The following CSMD3 variants were observed in gnomAD, a reference collection of about 807,000 sequenced individuals.
CSMD3 encodes CUB and Sushi multiple domains 3.
Under a neutral mutation model 435.2 loss-of-function variants are expected in CSMD3, and 177 were observed. The ratio of observed to expected loss-of-function variants is 0.41; its 90% CI spans 0.36 to 0.46. The LOEUF (loss-of-function observed/expected upper bound fraction) is 0.46, where lower values mean the gene tolerates loss of function less well. Among genes scored for constraint, CSMD3 ranks in the 20% least tolerant of loss-of-function variants. The probability of loss-of-function intolerance (pLI) is 0.34; values close to 1 mark genes in which losing one functional copy is unlikely to be tolerated. For missense variants in CSMD3, 4,265 were observed against 4,504.6 expected, an observed-to-expected ratio of 0.95 and a Z score of 1.52; for synonymous variants, 1,656 against 1,520.5, an observed-to-expected ratio of 1.09 and a Z score of -2.07.
At chr8:112,373,542 C>T (rs1828651416) in intron 38 of CSMD3, among the ~76,000 whole-genome samples, 1 of 50,880 alleles carries the variant, frequency 2.0e-5, no homozygotes, top group Admixed American at 1.4e-4. Flanking sequence ...TCCTTATTTA[C>T]ATGCATTAAA....
intron 1 of CSMD3, among the ~76,000 whole-genome samples, chr8:113,349,117 AC>A (rs1588570649): frequency 6.6e-6 from 1 of 152,020 alleles, no homozygotes; most frequent in African/African-American, 2.4e-5. Flanking sequence ...ACAGCTAAAA[AC>A]TGTTGTCTGT....
chr8:113,285,072 A>C (rs2093636492), intron 2 of CSMD3, among the ~76,000 whole-genome samples: 1 of 152,188 alleles, frequency 6.6e-6, no homozygotes, highest in South Asian at 2.1e-4. Context: ...AGCCAGAATA[A>C]AATTTTAATC....
chr8:113,211,383 G>A (rs1475978297), intron 3 of CSMD3, among the ~76,000 whole-genome samples: 1 of 152,118 alleles, frequency 6.6e-6, no homozygotes, highest in Non-Finnish European at 1.5e-5. Context: ...TAATTTGTTT[G>A]TAAAACAAGG....
At chr8:113,316,839 G>A (rs2093914290) in intron 1 of CSMD3, among the ~76,000 whole-genome samples, 1 of 152,052 alleles carries the variant, frequency 6.6e-6, no homozygotes, top group Non-Finnish European at 1.5e-5. Flanking sequence ...GTGAGCCACT[G>A]GCCAGGCCAA....
At chr8:112,460,110 A>G (rs1563564708) in intron 32 of CSMD3, among the ~76,000 whole-genome samples, 1 of 152,048 alleles carries the variant, frequency 6.6e-6, no homozygotes, top group Non-Finnish European at 1.5e-5. Context: ...CAGTTTCCAC[A>G]TTCTTCCTGA....
Position 112,319,999 on chromosome 8 carries a change from G to T in CSMD3, c.7166-18C>A. 8 of 1,544,614 alleles carry T rather than the reference G, an allele frequency of 5.2e-6. No individual in the cohort carries two copies. The highest frequency in any genetic ancestry group is 7.2e-6 in the Non-Finnish European group (8 of 1,116,954). The stretch of plus-strand genomic sequence containing the variant: ...TTGATAGGCTACAAAAATAAACAAA[G>T]TGTTTATTCCTTTTCTGTGCAGCTA... On this transcript the variant is annotated intron_variant, in intron 45 of 70. Coordinates refer to ENST00000297405, the MANE Select transcript of CSMD3 (RefSeq NM_198123.2).
chr8:112,948,217 T>C (rs991146030), intron 8 of CSMD3, among the ~76,000 whole-genome samples: 5 of 151,988 alleles, frequency 3.3e-5, no homozygotes, highest in Non-Finnish European at 1.5e-5. Flanking sequence ...TTTCCATTAA[T>C]CACTGGCAAC....
chr8:112,428,565 C>T (rs1016366133), intron 32 of CSMD3, among the ~76,000 whole-genome samples: 1 of 152,112 alleles, frequency 6.6e-6, no homozygotes, highest in East Asian at 1.9e-4. Flanking sequence ...TGAGAATATA[C>T]AGCTCCTGCC....
At chr8:112,485,462 G>T (rs1401687593) in intron 31 of CSMD3, among the ~76,000 whole-genome samples, 2 of 151,940 alleles carry the variant, frequency 1.3e-5, no homozygotes. Flanking sequence ...TATTAGATTA[G>T]ATAATCTCTA....
At chr8:113,063,724 T>C (rs1276171926) in intron 5 of CSMD3, among the ~76,000 whole-genome samples, 2 of 151,886 alleles carry the variant, frequency 1.3e-5, no homozygotes, top group Non-Finnish European at 2.9e-5. Context: ...TAACTCTATT[T>C]AGTTTGTCAA....
intron 3 of CSMD3, among the ~76,000 whole-genome samples, chr8:113,192,153 T>G (rs1175729532): frequency 1.3e-5 from 2 of 151,744 alleles, no homozygotes; most frequent in Admixed American, 1.3e-4. Context: ...TTTTTCAGAT[T>G]CATAGTTTGG....
At chr8:113,326,772 T>C (rs1473637246) in intron 1 of CSMD3, among the ~76,000 whole-genome samples, 1 of 152,194 alleles carries the variant, frequency 6.6e-6, no homozygotes, top group Non-Finnish European at 1.5e-5. Flanking sequence ...AAATTAATTC[T>C]ATACAGTTCA....
intron 1 of CSMD3, among the ~76,000 whole-genome samples, chr8:113,319,173 G>A (rs1005364137): frequency 6.6e-6 from 1 of 151,852 alleles, no homozygotes; most frequent in African/African-American, 2.4e-5. Context: ...CTACATTCCC[G>A]CCAATAGTGT....
intron 1 of CSMD3, among the ~76,000 whole-genome samples, chr8:113,353,253 A>G (rs1357692524): frequency 6.6e-6 from 1 of 152,178 alleles, no homozygotes; most frequent in African/African-American, 2.4e-5. Flanking sequence ...AGAATTAAGA[A>G]AAGTCCCTCA....
intron 3 of CSMD3, among the ~76,000 whole-genome samples, chr8:113,184,083 G>C (rs1238078150): frequency 6.6e-6 from 1 of 151,832 alleles, no homozygotes; most frequent in Non-Finnish European, 1.5e-5. Flanking sequence ...TTTTCACTAG[G>C]GAGACTCACA....
chr8:112,625,593 T>A (rs1396679490), intron 22 of CSMD3, among the ~76,000 whole-genome samples: 1 of 152,114 alleles, frequency 6.6e-6, no homozygotes, highest in African/African-American at 2.4e-5. Flanking sequence ...ACCTTTGAAA[T>A]ACACTGTTTG....
intron 27 of CSMD3, among the ~76,000 whole-genome samples, chr8:112,544,040 C>A (rs1826929458): frequency 6.6e-6 from 1 of 152,032 alleles, no homozygotes; most frequent in African/African-American, 2.4e-5. Context: ...GAATCAGAGC[C>A]TGAAATGGTT....
chr8:112,611,463 A>G (rs962845094), intron 22 of CSMD3, among the ~76,000 whole-genome samples: 5 of 152,212 alleles, frequency 3.3e-5, no homozygotes, highest in Admixed American at 6.5e-5. Context: ...AAGTTTCTTT[A>G]GAGACGAGTA....
At chr8:112,488,455 T>G (rs1052608615) in intron 31 of CSMD3, among the ~76,000 whole-genome samples, 1 of 152,188 alleles carries the variant, frequency 6.6e-6, no homozygotes, top group African/African-American at 2.4e-5. Flanking sequence ...TGTTGGTATT[T>G]GCTTCTACAC....
Sources: gnomAD v4.1 joint callset for allele counts (sites outside exome capture counted in the v4.1 genomes callset) on GRCh38, gnomAD v4.1.1 for gene constraint, MANE v1.5 for transcripts, NCBI Gene and HGNC (gene_info 2026-07-23, HGNC 2026-07-21) for gene names.